LUZP2: variants seen among roughly 807,000 people sequenced by gnomAD.
LUZP2 encodes the protein leucine zipper protein 2.
In LUZP2, 52 loss-of-function variants were observed where a neutral mutation model predicts 51.6. The observed-to-expected ratio is 1.01, with a 90% CI of 0.81 to 1.27. LUZP2 has a LOEUF of 1.27. Among genes scored for constraint, LUZP2 ranks in the 50% most tolerant of loss-of-function variants. The probability of loss-of-function intolerance (pLI) is 0.00; values close to 1 mark genes in which losing one functional copy is unlikely to be tolerated. For missense variants in LUZP2, 436 were observed against 395.4 expected (o/e 1.10, Z -0.87); for synonymous variants, 154 against 137.3 (o/e 1.12, Z -0.85).
At chr11:24,614,682 T>C (rs1208595146) in intron 1 of LUZP2, among the ~76,000 whole-genome samples, 3 of 152,096 alleles carry the variant, frequency 2.0e-5, no homozygotes, top group African/African-American at 4.8e-5. Context: ...TGGGAAAACT[T>C]TTCCTCGAGA....
Position 24,526,548 on chromosome 11 carries a change from T to C in LUZP2, c.62+29243T>C, listed in dbSNP as rs142491907. Among the ~76,000 whole-genome samples, 3 of 151,348 alleles carry C rather than the reference T, an allele frequency of 2.0e-5. No individual in the cohort carries two copies. The East Asian group carries it at 5.8e-4, about 29-fold the overall frequency. ...ATGTTTATTTAGTCTGGATCTATGATCACAAAATTATGTTTCTTTTCATTT... is the reference window on the plus strand; with the variant it reads ...ATGTTTATTTAGTCTGGATCTATGACCACAAAATTATGTTTCTTTTCATTT... On this transcript the variant is annotated intron_variant, in intron 1 of 11. Coordinates refer to ENST00000336930, the MANE Select transcript of LUZP2 (RefSeq NM_001009909.4).
intron 1 of LUZP2, among the ~76,000 whole-genome samples, chr11:24,718,371 C>T (rs779729539): frequency 6.6e-5 from 10 of 152,170 alleles, no homozygotes; most frequent in Non-Finnish European, 1.3e-4. Context: ...ATGAAGCTAG[C>T]AGTCTTTTGC....
intron 1 of LUZP2, among the ~76,000 whole-genome samples, chr11:24,678,078 G>GGT (rs1554972303): frequency 8.3e-6 from 1 of 120,230 alleles, no homozygotes; most frequent in African/African-American, 3.7e-5. Context: ...AGGAGAAAGG[G>GGT]GGGGGGGGGT....
rs113430642 is a variant in LUZP2, at chr11:24,903,638, T to C, written c.397-2353T>C. ...CTTGTACCAGGACACTGTCCACTCC[T>C]CTAGAGTCAGTATGATGTCTGAATC... On this transcript the variant is annotated intron_variant, in intron 5 of 11. Coordinates refer to ENST00000336930, the MANE Select transcript of LUZP2 (RefSeq NM_001009909.4). 2.2e-3 allele frequency among the ~76,000 whole-genome samples: 330 copies of C among 152,302 alleles called. 3 individuals are homozygous for C. The highest frequency in any genetic ancestry group is 7.5e-3 in the African/African-American group (311 of 41,568).
At chr11:24,507,975 AAAT>A in intron 1 of LUZP2, among the ~76,000 whole-genome samples, 1 of 150,878 alleles carries the variant, frequency 6.6e-6, no homozygotes, top group Non-Finnish European at 1.5e-5. Flanking sequence ...CTCAAAATAT[AAAT>A]AATAATATAA....
In LUZP2 at chr11:24,604,991, T is replaced by A. The variant is rs1386920717; in HGVS notation, c.62+107686T>A. 2.6e-5 allele frequency among the ~76,000 whole-genome samples: 4 copies of A among 151,884 alleles called. No individual in the cohort carries two copies. The South Asian group carries it at 6.2e-4, about 24-fold the overall frequency. Reference sequence around the variant, plus strand: ...TTCCATCATGATCAAGCTAGAAAGATCAAGACCTTCCAAACACGGCTGGAT... The same window carrying A: ...TTCCATCATGATCAAGCTAGAAAGAACAAGACCTTCCAAACACGGCTGGAT... On this transcript the variant is annotated intron_variant, in intron 1 of 11. Coordinates refer to ENST00000336930, the MANE Select transcript of LUZP2 (RefSeq NM_001009909.4).
In LUZP2 at chr11:25,077,360, A is replaced by G. The variant is rs902491616; in HGVS notation, c.890A>G (p.Glu297Gly). 9.3e-6 allele frequency: 15 copies of G among 1,613,222 alleles called. No homozygotes were observed. The highest frequency in any genetic ancestry group is 1.1e-5 in the South Asian group (1 of 91,050). Residue 297 changes from glutamate to glycine, a missense_variant, in exon 11 of 12, where the codon GAA becomes GGA. Physicochemically the swap from Glu to Gly is moderately conservative, Grantham distance 98. Transcript: ENST00000336930. ...AGACCGTGTTCCATGAAGCACAAAG[A>G]AAGTCCCCCAAGTAATGCCACTGCA... ...EGRPCSMKHK[E>G]SPPSNATAET...
At chr11:24,671,241 A>G (rs1856392930) in intron 1 of LUZP2, among the ~76,000 whole-genome samples, 1 of 151,608 alleles carries the variant, frequency 6.6e-6, no homozygotes, top group Non-Finnish European at 1.5e-5. Flanking sequence ...TTCTTCCTAT[A>G]GATCTTATTA....
chr11:24,523,179 C>A (rs990889842), intron 1 of LUZP2, among the ~76,000 whole-genome samples: 2 of 151,970 alleles, frequency 1.3e-5, no homozygotes, highest in African/African-American at 4.8e-5. Flanking sequence ...CATTTAATTG[C>A]TTTTCAGTAT....
At chr11:24,848,232 A>G (rs928829296) in intron 5 of LUZP2, among the ~76,000 whole-genome samples, 13 of 152,200 alleles carry the variant, frequency 8.5e-5, no homozygotes, top group Admixed American at 6.6e-4. Flanking sequence ...ATTAAAACAT[A>G]ACGCTTTCAC....
intron 7 of LUZP2, among the ~76,000 whole-genome samples, chr11:24,953,741 A>G (rs1450452423): frequency 2.0e-5 from 3 of 151,986 alleles, no homozygotes; most frequent in Admixed American, 2.0e-4. Flanking sequence ...CCTACGTCAA[A>G]CTCATTCACT....
At chr11:24,514,847 G>T (rs192967313) in intron 1 of LUZP2, among the ~76,000 whole-genome samples, 4 of 152,224 alleles carry the variant, frequency 2.6e-5, no homozygotes, top group Admixed American at 2.6e-4. Flanking sequence ...AAAGCGGCCT[G>T]GCTCAAGGAA....
At chr11:24,780,595 G>A (rs186166703) in intron 5 of LUZP2, among the ~76,000 whole-genome samples, 1 of 152,106 alleles carries the variant, frequency 6.6e-6, no homozygotes, top group Non-Finnish European at 1.5e-5. Flanking sequence ...GATAATGATG[G>A]TTGATGATGA....
intron 5 of LUZP2, among the ~76,000 whole-genome samples, chr11:24,843,256 C>T (rs561665191): frequency 1.3e-5 from 2 of 151,990 alleles, no homozygotes; most frequent in African/African-American, 2.4e-5. Context: ...AAAAACAAAA[C>T]AAAGTGGGGC....
chr11:24,990,035 TTC>T (rs1430091886), intron 9 of LUZP2, among the ~76,000 whole-genome samples: 1 of 152,124 alleles, frequency 6.6e-6, no homozygotes, highest in East Asian at 1.9e-4. Context: ...TTGCCACATA[TTC>T]TCTGATATTC....
chr11:24,923,049 G>A (rs898751829), intron 7 of LUZP2, among the ~76,000 whole-genome samples: 7 of 151,130 alleles, frequency 4.6e-5, no homozygotes, highest in Non-Finnish European at 8.9e-5. Context: ...AGGGTTTCAC[G>A]GTTTTAGCCA....
intron 5 of LUZP2, among the ~76,000 whole-genome samples, chr11:24,769,784 C>T (rs1296509101): frequency 1.4e-5 from 2 of 144,894 alleles, no homozygotes; most frequent in African/African-American, 5.5e-5. Context: ...ACACTAAATT[C>T]TCTTTTTTGT....
chr11:24,982,991 A>G, intron 8 of LUZP2, 135 bp from the exon 9 acceptor site: 2 of 772,868 alleles, frequency 2.6e-6, no homozygotes, highest in Non-Finnish European at 2.1e-6. Flanking sequence ...AATGAAATTT[A>G]TAAATTAGGC....
At chr11:25,008,690 GAGTA>G (rs1179517104) in intron 9 of LUZP2, among the ~76,000 whole-genome samples, 1 of 152,164 alleles carries the variant, frequency 6.6e-6, no homozygotes, top group African/African-American at 2.4e-5. Context: ...GTGGACACGA[GAGTA>G]AGTAAGGCAG....
Sources: allele counts gnomAD v4.1 joint callset (sites outside exome capture counted in the v4.1 genomes callset), GRCh38; gene constraint gnomAD v4.1.1; transcripts MANE v1.5; gene names NCBI Gene and HGNC (gene_info 2026-07-23, HGNC 2026-07-21).